DPYSL3: variants seen among roughly 807,000 people sequenced by gnomAD.
DPYSL3 encodes the protein dihydropyrimidinase like 3.
Under a neutral mutation model 66.1 loss-of-function variants are expected in DPYSL3, and 16 were observed. The ratio of observed to expected loss-of-function variants is 0.24; its 90% CI spans 0.16 to 0.37. The LOEUF is 0.37. DPYSL3 is among the 10% of genes least tolerant of loss of function. The probability of loss-of-function intolerance (pLI) is 1.00; values close to 1 mark genes in which losing one functional copy is unlikely to be tolerated. For missense variants in DPYSL3, 738 were observed against 916.2 expected, an observed-to-expected ratio of 0.81 and a Z score of 2.51; for synonymous variants, 338 against 345.1, an observed-to-expected ratio of 0.98 and a Z score of 0.23.
intron 1 of DPYSL3, among the ~76,000 whole-genome samples, chr5:147,491,345 C>T (rs553461174): frequency 6.6e-6 from 1 of 152,300 alleles, no homozygotes; most frequent in African/African-American, 2.4e-5. Context: ...GGCCTATTTA[C>T]TAGAGTTCCT....
intron 1 of DPYSL3, among the ~76,000 whole-genome samples, chr5:147,466,663 G>T (rs1753014178): frequency 6.6e-6 from 1 of 152,180 alleles, no homozygotes. Context: ...CTCACTCCTG[G>T]ATGGGGACTC....
intron 1 of DPYSL3, among the ~76,000 whole-genome samples, chr5:147,490,625 C>A (rs1186771948): frequency 1.3e-5 from 2 of 151,768 alleles, no homozygotes; most frequent in Non-Finnish European, 2.9e-5. Context: ...GCTAAACAAA[C>A]AAAAAAAATC....
intron 2 of DPYSL3, 34 bp from the exon 3 acceptor site, chr5:147,418,665 C>T (rs1752021023): frequency 6.5e-7 from 1 of 1,538,016 alleles, no homozygotes. Context: ...AATGATCAAA[C>T]ACTTGGTCAT....
intron 1 of DPYSL3, among the ~76,000 whole-genome samples, chr5:147,433,837 T>G (rs948025284): frequency 7.9e-5 from 12 of 151,826 alleles, no homozygotes; most frequent in Admixed American, 1.3e-4. Flanking sequence ...ATCGAGACCA[T>G]CCTGGCCAAC....
At chr5:147,394,251 C>A in intron 13 of DPYSL3, 128 bp from the exon 14 acceptor site, 1 of 880,312 alleles carries the variant, frequency 1.1e-6, no homozygotes, top group South Asian at 1.6e-5. Flanking sequence ...GCCTCACCTC[C>A]CAAGAAACTT....
intron 1 of DPYSL3, among the ~76,000 whole-genome samples, chr5:147,450,916 T>C (rs1752716110): frequency 6.6e-6 from 1 of 152,190 alleles, no homozygotes; most frequent in South Asian, 2.1e-4. Flanking sequence ...ATGTTACCAT[T>C]TTTAAAATGT....
intron 2 of DPYSL3, among the ~76,000 whole-genome samples, chr5:147,424,577 A>G (rs779683336): frequency 1.3e-5 from 2 of 152,116 alleles, no homozygotes; most frequent in Non-Finnish European, 2.9e-5. Flanking sequence ...CTTCTAAATC[A>G]CTTATCCCGA....
rs958439974 is a variant in DPYSL3, at chr5:147,493,861, G to A, written c.381+15617C>T. Among the ~76,000 whole-genome samples the A allele has an allele frequency of 2.0e-5, 3 of 152,172 alleles. No individual in the cohort carries two copies. In the East Asian group the frequency reaches 5.8e-4, roughly 29 times the overall value. On this transcript the variant is annotated intron_variant, in intron 1 of 13. Coordinates refer to ENST00000343218, the MANE Select transcript of DPYSL3 (RefSeq NM_001197294.2). ...GGAATTAAACTAGAAATAAATAACA[G>A]AGAGAATGCTGAAAAATCCCCAAAT...
intron 1 of DPYSL3, among the ~76,000 whole-genome samples, chr5:147,448,437 T>A (rs184309806): frequency 5.9e-5 from 9 of 152,374 alleles, no homozygotes; most frequent in Admixed American, 2.6e-4. Flanking sequence ...CGCTGTTTAT[T>A]TTTGTTTTGG....
intron 1 of DPYSL3, among the ~76,000 whole-genome samples, chr5:147,502,766 C>T (rs1239918839): frequency 2.6e-5 from 4 of 151,956 alleles, no homozygotes; most frequent in Admixed American, 2.6e-4. Flanking sequence ...TTAGTAGAGA[C>T]GAGGTTTCAC....
Position 147,395,735 on chromosome 5 carries a change from A to G in DPYSL3, c.1804-14T>C. The G allele has an allele frequency of 6.2e-7, 1 of 1,613,318 alleles. No individual in the cohort carries two copies. The highest frequency in any genetic ancestry group is 1.7e-5 in the Admixed American group (1 of 60,000). ...CAGGTCTGCCATCTGCAGCCAGAGA[A>G]GAGCATGTCACCATTCATTCATTCA... On this transcript the variant is annotated splice_polypyrimidine_tract_variant and intron_variant, in intron 12 of 13. Coordinates refer to ENST00000343218, the MANE Select transcript of DPYSL3 (RefSeq NM_001197294.2).
intron 7 of DPYSL3, 182 bp from the exon 8 acceptor site, chr5:147,405,912 C>T (rs1758315329): frequency 8.9e-6 from 6 of 673,118 alleles, no homozygotes; most frequent in Non-Finnish European, 1.4e-5. Flanking sequence ...TGTCACTTTA[C>T]TCAGCTTCCC....
At chr5:147,492,947 C>T (rs1011555642) in intron 1 of DPYSL3, among the ~76,000 whole-genome samples, 5 of 152,052 alleles carry the variant, frequency 3.3e-5, no homozygotes, top group African/African-American at 4.8e-5. Flanking sequence ...CTACAAAAAA[C>T]CCACTTCAAG....
intron 1 of DPYSL3, among the ~76,000 whole-genome samples, chr5:147,501,943 ACG>A (rs928067078): frequency 3.2e-4 from 49 of 152,200 alleles, no homozygotes; most frequent in African/African-American, 1.2e-3. Context: ...CTCTAAAAAT[ACG>A]AGCTTATTTG....
At chr5:147,488,280 G>T (rs902772177) in intron 1 of DPYSL3, among the ~76,000 whole-genome samples, 10 of 152,180 alleles carry the variant, frequency 6.6e-5, no homozygotes, top group African/African-American at 2.2e-4. Context: ...TCAAGGGAAG[G>T]AAGAAGTGAA....
chr5:147,441,874 GAAAC>G (rs1367828775), intron 1 of DPYSL3, among the ~76,000 whole-genome samples: 1 of 152,140 alleles, frequency 6.6e-6, no homozygotes. Context: ...AAATGAAAAG[GAAAC>G]AAACAGAACA....
intron 1 of DPYSL3, among the ~76,000 whole-genome samples, chr5:147,506,030 C>T (rs565763072): frequency 2.0e-5 from 3 of 147,332 alleles, no homozygotes; most frequent in Admixed American, 6.9e-5. Flanking sequence ...GTTCAATTTC[C>T]TTATCGGTTA....
At chr5:147,485,683 T>G (rs868200451) in intron 1 of DPYSL3, among the ~76,000 whole-genome samples, 1 of 152,170 alleles carries the variant, frequency 6.6e-6, no homozygotes, top group Non-Finnish European at 1.5e-5. Flanking sequence ...TGGTAGGCCC[T>G]GCCCTTACAG....
At chr5:147,398,930 A>C (rs1758079521) in intron 11 of DPYSL3, 152 bp downstream of exon 11, 1 of 1,066,688 alleles carries the variant, frequency 9.4e-7, no homozygotes, top group African/African-American at 1.6e-5. Context: ...AACACAGTTG[A>C]GGTTTTGAGC....
Sources: allele counts gnomAD v4.1 joint callset (sites outside exome capture counted in the v4.1 genomes callset), GRCh38; gene constraint gnomAD v4.1.1; transcripts MANE v1.5; gene names NCBI Gene and HGNC (gene_info 2026-07-23, HGNC 2026-07-21).